The following SLC12A8 variants were observed in gnomAD, a reference collection of about 807,000 sequenced individuals.
SLC12A8 encodes the protein solute carrier family 12 member 8, also known as cation-chloride cotransporter 9.
Under a neutral mutation model 75.6 loss-of-function variants are expected in SLC12A8, and 69 were observed. That is an observed-to-expected ratio of 0.91 (90% CI 0.75 to 1.11). The LOEUF is 1.11. SLC12A8 is among the 50% of genes most tolerant of loss of function. The pLI, the probability that SLC12A8 is intolerant of heterozygous loss-of-function variation, is 0.00. For synonymous variants in SLC12A8, 365 were observed against 372.8 expected (o/e 0.98, Z 0.24); for missense variants, 877 against 896.7 (o/e 0.98, Z 0.28).
At chr3:125,089,052 G>T (rs1336963703) in intron 12 of SLC12A8, among the ~76,000 whole-genome samples, 3 of 152,122 alleles carry the variant, frequency 2.0e-5, no homozygotes, top group African/African-American at 7.2e-5. Flanking sequence ...CAAATCAAAT[G>T]TGATTTTAGA....
intron 5 of SLC12A8, among the ~76,000 whole-genome samples, chr3:125,148,274 C>T (rs750849478): frequency 3.3e-5 from 5 of 152,336 alleles, no homozygotes; most frequent in Non-Finnish European, 5.9e-5. Flanking sequence ...TGCCCCATTG[C>T]CTAGTGCTGG....
intron 7 of SLC12A8, 139 bp from the exon 8 acceptor site, chr3:125,118,995 T>G (rs1932980403): frequency 1.7e-6 from 1 of 582,810 alleles, no homozygotes; most frequent in Non-Finnish European, 3.1e-6. Flanking sequence ...CTTCCCCAGC[T>G]GGCTTGGGAG....
At chr3:125,206,579 G>A (rs993178738) in intron 2 of SLC12A8, 2 of 152,274 alleles carry the variant, frequency 1.3e-5, no homozygotes, top group Admixed American at 1.3e-4. Flanking sequence ...GCTAACTCAG[G>A]TAAGCCATCT....
At chr3:125,180,648 G>A (rs1268536203) in intron 4 of SLC12A8, among the ~76,000 whole-genome samples, 1 of 152,122 alleles carries the variant, frequency 6.6e-6, no homozygotes, top group Non-Finnish European at 1.5e-5. Context: ...CTGAGATCAC[G>A]CCACCGCACT....
chr3:125,103,044 A>T lies in SLC12A8; in HGVS notation c.1705+4437T>A, dbSNP rs564476154. Among the ~76,000 whole-genome samples, 3 of 152,292 alleles carry T rather than the reference A, an allele frequency of 2.0e-5. No homozygotes were observed. The East Asian group carries it at 5.8e-4, about 29-fold the overall frequency. On this transcript the variant is annotated intron_variant, in intron 10 of 13. Coordinates refer to ENST00000469902, the MANE Select transcript of SLC12A8 (RefSeq NM_024628.6). ...TTCTCTGCCTATGAAGCCAAGTAAC[A>T]ACCCTTCTGTTGCCCAATTCCCTCC...
chr3:125,204,183 T>C (rs1017296271), intron 2 of SLC12A8, among the ~76,000 whole-genome samples: 2 of 152,154 alleles, frequency 1.3e-5, no homozygotes, highest in Non-Finnish European at 2.9e-5. Context: ...TGGAAGCTCA[T>C]TAAAAATTAA....
At chr3:125,141,542 TC>T (rs1483385998) in intron 5 of SLC12A8, among the ~76,000 whole-genome samples, 1 of 152,090 alleles carries the variant, frequency 6.6e-6, no homozygotes, top group Admixed American at 6.5e-5. Flanking sequence ...CGACATCCCC[TC>T]CCCCTACGCC....
intron 5 of SLC12A8, among the ~76,000 whole-genome samples, chr3:125,163,328 C>T (rs1157644873): frequency 2.6e-5 from 4 of 151,478 alleles, no homozygotes; most frequent in Non-Finnish European, 4.4e-5. Flanking sequence ...AAAAAGAAAG[C>T]CGGGTGCGGT....
chr3:125,132,842 C>T (rs1372380661), intron 6 of SLC12A8, among the ~76,000 whole-genome samples: 1 of 152,100 alleles, frequency 6.6e-6, no homozygotes, highest in Non-Finnish European at 1.5e-5. Context: ...GCTTGAAGAT[C>T]CCCAACATTG....
At chr3:125,177,213 A>T (rs916940560) in intron 5 of SLC12A8, among the ~76,000 whole-genome samples, 4 of 151,818 alleles carry the variant, frequency 2.6e-5, no homozygotes, top group Admixed American at 6.6e-5. Flanking sequence ...TTCTCAGCAA[A>T]CTATCGCAAG....
At chr3:125,118,880 G>C in intron 7 of SLC12A8, 24 bp from the exon 8 acceptor site, 2 of 1,549,158 alleles carry the variant, frequency 1.3e-6, no homozygotes, top group Non-Finnish European at 1.8e-6. Flanking sequence ...GAGCAGAACA[G>C]AGCTGCCCCC....
At chr3:125,119,804 G>C (rs999611383) in intron 7 of SLC12A8, 17 of 455,102 alleles carry the variant, frequency 3.7e-5, no homozygotes, top group Non-Finnish European at 7.5e-5. Flanking sequence ...AATAACACAG[G>C]CCCTTTTAAC....
At chr3:125,194,062 A>G (rs1322799344) in intron 2 of SLC12A8, among the ~76,000 whole-genome samples, 1 of 152,208 alleles carries the variant, frequency 6.6e-6, no homozygotes, top group East Asian at 1.9e-4. Context: ...AGTCTACAGC[A>G]AAGTAGAGAT....
chr3:125,166,924 C>T (rs527831653), intron 5 of SLC12A8, among the ~76,000 whole-genome samples: 1 of 152,240 alleles, frequency 6.6e-6, no homozygotes, highest in African/African-American at 2.4e-5. Flanking sequence ...AAAATAAAAA[C>T]ACATGGGGAG....
chr3:125,122,494 A>T (rs1433700619), intron 6 of SLC12A8, among the ~76,000 whole-genome samples: 1 of 152,200 alleles, frequency 6.6e-6, no homozygotes, highest in Non-Finnish European at 1.5e-5. Flanking sequence ...GGAGGACCCT[A>T]AGTAGATGAA....
At position 125,083,011 on chromosome 3, in the gene SLC12A8, C is replaced by G. The variant is rs190674224; in HGVS notation, c.*879G>C. The G allele has an allele frequency of 3.9e-5, 6 of 152,290 alleles. No homozygotes were observed. The East Asian group carries it at 1.2e-3, about 29-fold the overall frequency. 9.4% of individuals were successfully genotyped at this position (152,290 alleles called of 1,614,324 possible). ...TTGTGTATAAAGAGAGAATGTGAGA[C>G]TCTACATTCCCATTTGCTTGTATAT... On this transcript the variant is annotated 3_prime_UTR_variant, in exon 14 of 14. Coordinates refer to ENST00000469902, the MANE Select transcript of SLC12A8 (RefSeq NM_024628.6).
At chr3:125,100,451 A>G (rs531405722) in intron 10 of SLC12A8, among the ~76,000 whole-genome samples, 4 of 151,838 alleles carry the variant, frequency 2.6e-5, no homozygotes, top group African/African-American at 9.6e-5. Context: ...CTTATTGCCC[A>G]GGCTGGAGTG....
chr3:125,088,327 G>C lies in SLC12A8; in HGVS notation c.1965C>G (p.Leu655=). 3 of 1,614,186 alleles carry C rather than the reference G, an allele frequency of 1.9e-6. No homozygotes were observed. The South Asian group carries it at 3.3e-5, about 18-fold the overall frequency. Residue 655 remains leucine, a synonymous_variant, in exon 13 of 14, where the codon CTC becomes CTG. Coordinates refer to ENST00000469902, the MANE Select transcript of SLC12A8 (RefSeq NM_024628.6). The part of the protein sequence containing the change: ...NFSFFRWMRS[L]LLPSCRSLRS... ...GCACAGACCTGCAGGAGGGGAGCAA[G>C]AGAGACCTCATCCACCGGAAAAAGC...
chr3:125,140,935 C>A (rs1019802462), intron 5 of SLC12A8, among the ~76,000 whole-genome samples: 6 of 152,116 alleles, frequency 3.9e-5, no homozygotes, highest in African/African-American at 1.4e-4. Flanking sequence ...AGTCTCTTTG[C>A]CTCTCTGTTG....
Sources: gnomAD v4.1 joint callset for allele counts (sites outside exome capture counted in the v4.1 genomes callset) on GRCh38, gnomAD v4.1.1 for gene constraint, MANE v1.5 for transcripts, NCBI Gene and HGNC (gene_info 2026-07-23, HGNC 2026-07-21) for gene names.